DGKG: variants seen among roughly 807,000 people sequenced by gnomAD.
The protein encoded by DGKG is diacylglycerol kinase gamma.
Under a neutral mutation model 105.3 loss-of-function variants are expected in DGKG, and 78 were observed. That is an observed-to-expected ratio of 0.74 (90% CI 0.62 to 0.89). The LOEUF is 0.89. Ranked by LOEUF, DGKG falls within the 40% of genes least tolerant of loss-of-function variation. DGKG has a pLI of 0.00. For missense variants in DGKG, 958 were observed against 1,020.1 expected (o/e 0.94, Z 0.83); for synonymous variants, 346 against 367.1 (o/e 0.94, Z 0.66).
chr3:186,214,645 T>C (rs1257084135), intron 20 of DGKG, among the ~76,000 whole-genome samples: 2 of 152,208 alleles, frequency 1.3e-5, no homozygotes, highest in Non-Finnish European at 2.9e-5. Flanking sequence ...TAATCCTTGA[T>C]TAATTATCTT....
rs1289998674 is a variant in DGKG, at chr3:186,210,690, G to T, written c.1917+1105C>A. On this transcript the variant is annotated intron_variant, in intron 21 of 24. Transcript: ENST00000265022. This position sits in a 1 kb window ranked among gnomAD's most constrained non-coding sequence, Gnocchi z 5.2. ...TTTCCTACACCACTCCAGGCCACAG[G>T]TGCCTCCTCCAGGGAGGCCCAGGCC... is the stretch of plus-strand genomic sequence containing the variant. 2.2e-6 allele frequency: 1 copy of T among 446,580 alleles called. No homozygotes were observed. The highest frequency in any genetic ancestry group is 4.5e-6 in the Non-Finnish European group (1 of 223,240). 27.7% of individuals were successfully genotyped at this position (446,580 alleles called of 1,614,324 possible). A position where few individuals can be genotyped will look rare whatever the true frequency, so the allele number is the denominator to read the frequency against.
At chr3:186,166,693 TGAG>T (rs1239648158) in intron 22 of DGKG, among the ~76,000 whole-genome samples, 3 of 147,606 alleles carry the variant, frequency 2.0e-5, no homozygotes, top group Non-Finnish European at 4.5e-5. Context: ...AGGAAAAGGG[TGAG>T]GAGGAGGAGA....
At chr3:186,197,136 TGA>T (rs1332589697) in intron 21 of DGKG, among the ~76,000 whole-genome samples, 17 of 151,884 alleles carry the variant, frequency 1.1e-4, no homozygotes, top group East Asian at 1.9e-4. Context: ...TCTCAGCGAG[TGA>T]GAGAGTTGGC....
In DGKG at chr3:186,358,194, A is replaced by T. The variant is rs574162878; in HGVS notation, c.-249+3752T>A. Among the ~76,000 whole-genome samples the T allele has an allele frequency of 2.0e-5, 3 of 152,378 alleles. No individual in the cohort carries two copies. In the South Asian group the frequency reaches 6.2e-4, roughly 32 times the overall value. ...ACTATCTCAGGTGCTGGGGATACAG[A>T]AAAGGATTAGACATGGTCTCTGCCT... On this transcript the variant is annotated intron_variant, in intron 1 of 24. Transcript: ENST00000265022.
chr3:186,229,688 G>C (rs555680342), intron 20 of DGKG, among the ~76,000 whole-genome samples: 3 of 152,152 alleles, frequency 2.0e-5, no homozygotes, highest in Admixed American at 2.0e-4. Flanking sequence ...TTATACCCAC[G>C]AACTCCTGAA....
chr3:186,301,814 T>A (rs922266497), intron 3 of DGKG, among the ~76,000 whole-genome samples: 3 of 152,232 alleles, frequency 2.0e-5, no homozygotes, highest in African/African-American at 4.8e-5. Context: ...CCATCCTGTG[T>A]ACTCTCCTAG....
Position 186,257,517 on chromosome 3 carries a change from C to A in DGKG, c.1510+337G>T, listed in dbSNP as rs183632645. On this transcript the variant is annotated intron_variant, in intron 17 of 24. Coordinates refer to ENST00000265022, the MANE Select transcript of DGKG (RefSeq NM_001346.3). ...TGCTTAGTTCTCTGGCCTTTACCAA[C>A]CCCAAAGGGTCTGCCCAGAATTCCA... Among the ~76,000 whole-genome samples, 419 of 152,260 alleles carry A rather than the reference C, an allele frequency of 2.8e-3. 6 individuals carry two copies. The highest frequency in any genetic ancestry group is 9.7e-3 in the African/African-American group (404 of 41,558).
At position 186,302,510 on chromosome 3, in the gene DGKG, A is replaced by ATG. The variant is rs368896453; in HGVS notation, c.145-4283_145-4282dup. Among the ~76,000 whole-genome samples the ATG allele has an allele frequency of 1.3e-3, 25 of 19,892 alleles. 1 individual carries two copies. Among genetic ancestry groups the ATG allele is most frequent in the African/African-American group, 6.7e-3 (21 of 3,142 alleles). The allele number at this position is 19,892 out of a possible 152,430, so 13.0% of individuals were successfully genotyped here. A position where few individuals can be genotyped will look rare whatever the true frequency, so the allele number is the denominator to read the frequency against. ...TATATATATATATATATATATACAT[A>ATG]TGTGTATATATATATATATATACAT... On this transcript the variant is annotated intron_variant, in intron 3 of 24. Coordinates refer to ENST00000265022, the MANE Select transcript of DGKG (RefSeq NM_001346.3).
chr3:186,251,773 AAT>A lies in DGKG; in HGVS notation c.1745_1746del (p.Tyr582PhefsTer22). ...DQVPYSIMNN[Y>X]FSIGVDASIA... ...GACCAACTCACCACACCAATGGAGAAATAGTTGTTCATGATGCTGTATGGGAC... is the reference window on the plus strand; with the variant it reads ...GACCAACTCACCACACCAATGGAGAAAGTTGTTCATGATGCTGTATGGGAC... On this transcript the variant is annotated frameshift_variant, in exon 19 of 25. Transcript: ENST00000265022. LOFTEE classifies it high-confidence loss of function. 6.2e-7 allele frequency: 1 copy of A among 1,614,142 alleles called. No homozygotes were observed. Among genetic ancestry groups the A allele is most frequent in the South Asian group, 1.1e-5 (1 of 91,072 alleles).
chr3:186,193,046 A>T (rs914703464), intron 21 of DGKG, among the ~76,000 whole-genome samples: 1 of 151,862 alleles, frequency 6.6e-6, no homozygotes, highest in Non-Finnish European at 1.5e-5. Flanking sequence ...GGCAATCCTC[A>T]CTCTGCTTTC....
chr3:186,296,859 A>G (rs75500517), intron 5 of DGKG, among the ~76,000 whole-genome samples: 2,572 of 152,316 alleles, frequency 0.017, 34 homozygotes, highest in South Asian at 0.042. Context: ...TGGCAAATAT[A>G]TCTTCAAGAC....
chr3:186,352,431 C>T (rs1312324165), intron 1 of DGKG, among the ~76,000 whole-genome samples: 3 of 152,160 alleles, frequency 2.0e-5, no homozygotes, highest in Non-Finnish European at 1.5e-5. Flanking sequence ...TGAGTTTTCA[C>T]GTTTCACCCA....
chr3:186,287,072 T>A, intron 6 of DGKG, among the ~76,000 whole-genome samples: 1 of 66,244 alleles, frequency 1.5e-5, no homozygotes, highest in African/African-American at 6.2e-5. Flanking sequence ...AGGAAAAAAT[T>A]AGCAAAAGAT....
At chr3:186,288,953 A>G (rs546729666) in intron 5 of DGKG, 73 bp from the exon 6 acceptor site, 1 of 1,418,272 alleles carries the variant, frequency 7.1e-7, no homozygotes, top group Non-Finnish European at 9.5e-7. Context: ...TTGTTACCCC[A>G]TCCTTTTCAT....
At chr3:186,240,211 G>T (rs577695604) in intron 20 of DGKG, among the ~76,000 whole-genome samples, 77 of 152,076 alleles carry the variant, frequency 5.1e-4, no homozygotes, top group African/African-American at 1.8e-3. Flanking sequence ...CTTTTTCCGT[G>T]TCTTGGTTCA....
intron 11 of DGKG, among the ~76,000 whole-genome samples, chr3:186,271,935 TG>T (rs1282239038): frequency 6.6e-6 from 1 of 152,230 alleles, no homozygotes; most frequent in African/African-American, 2.4e-5. Context: ...TCCACACAGC[TG>T]TGTTACTGTA....
chr3:186,312,794 A>C (rs1724617510), intron 2 of DGKG, among the ~76,000 whole-genome samples: 1 of 152,276 alleles, frequency 6.6e-6, no homozygotes, highest in Non-Finnish European at 1.5e-5. Context: ...GGCCAGGGCC[A>C]AGAGCACTGC....
chr3:186,272,441 G>A (rs1446644720), intron 10 of DGKG, 98 bp from the exon 11 acceptor site: 2 of 844,874 alleles, frequency 2.4e-6, no homozygotes, highest in Middle Eastern at 2.2e-4. Flanking sequence ...CCTCCCTTTG[G>A]GTGGCTGGCG....
intron 5 of DGKG, among the ~76,000 whole-genome samples, chr3:186,289,120 A>G (rs1196718592): frequency 6.6e-6 from 1 of 152,204 alleles, no homozygotes; most frequent in African/African-American, 2.4e-5. Context: ...CAGGAAATTC[A>G]TCTATACTCT....
Sources: gnomAD v4.1 joint callset for allele counts (sites outside exome capture counted in the v4.1 genomes callset) on GRCh38, gnomAD v4.1.1 for gene constraint, Gnocchi (gnomAD v3.1) non-coding constraint, MANE v1.5 for transcripts, NCBI Gene and HGNC (gene_info 2026-07-23, HGNC 2026-07-21) for gene names.